ADCY8: variants seen among roughly 807,000 people sequenced by gnomAD.
ADCY8 encodes adenylate cyclase type 8.
ADCY8 carries 51 observed loss-of-function variants against 119.7 expected under a neutral mutation model. The observed-to-expected ratio is 0.43, with a 90% CI of 0.34 to 0.54. ADCY8 has a LOEUF of 0.54. Among genes scored for constraint, ADCY8 ranks in the 20% least tolerant of loss-of-function variants. The pLI is 0.03. For synonymous variants in ADCY8, 665 were observed against 651.0 expected, an observed-to-expected ratio of 1.02 and a Z score of -0.33; for missense variants, 1,383 against 1,598.8, an observed-to-expected ratio of 0.87 and a Z score of 2.30.
intron 9 of ADCY8, among the ~76,000 whole-genome samples, chr8:130,855,891 A>T (rs975405420): frequency 2.6e-5 from 4 of 151,666 alleles, no homozygotes; most frequent in African/African-American, 9.7e-5. Context: ...TCCAGATTTC[A>T]CTCCCACCTC....
intron 2 of ADCY8, among the ~76,000 whole-genome samples, chr8:130,967,244 T>C (rs982317666): frequency 1.2e-4 from 18 of 152,216 alleles, no homozygotes; most frequent in African/African-American, 4.1e-4. Context: ...CACTTCAGAC[T>C]GATTCAGCAA....
chr8:130,936,463 A>C (rs537214397), intron 5 of ADCY8, among the ~76,000 whole-genome samples: 1 of 152,104 alleles, frequency 6.6e-6, no homozygotes, highest in Non-Finnish European at 1.5e-5. Context: ...GCCAGCCTAC[A>C]GTCCATCTGT....
chr8:130,848,621 A>T (rs1015549394), intron 10 of ADCY8, among the ~76,000 whole-genome samples: 3 of 152,154 alleles, frequency 2.0e-5, no homozygotes, highest in African/African-American at 7.2e-5. Flanking sequence ...GGGTCCCTGC[A>T]CACTTGGGGA....
At chr8:130,998,099 G>C (rs769329647) in intron 1 of ADCY8, among the ~76,000 whole-genome samples, 13 of 152,130 alleles carry the variant, frequency 8.5e-5, no homozygotes, top group African/African-American at 2.9e-4. Flanking sequence ...AGCAGATAAT[G>C]TCCTGCTGTC....
intron 14 of ADCY8, among the ~76,000 whole-genome samples, chr8:130,803,135 A>C (rs1308057330): frequency 1.3e-5 from 2 of 152,242 alleles, no homozygotes; most frequent in African/African-American, 4.8e-5. Flanking sequence ...ACAAAGACAC[A>C]AACCCTGTTC....
chr8:131,014,642 A>G (rs150773237), intron 1 of ADCY8, among the ~76,000 whole-genome samples: 2 of 152,298 alleles, frequency 1.3e-5, no homozygotes, highest in African/African-American at 4.8e-5. Context: ...AGTAGTTCAA[A>G]GATCTGTTTT....
At chr8:131,019,826 TC>T in intron 1 of ADCY8, among the ~76,000 whole-genome samples, 1 of 127,142 alleles carries the variant, frequency 7.9e-6, no homozygotes, top group South Asian at 2.9e-4. Context: ...TCTCTCTCTC[TC>T]TCTCTCTCTC....
intron 14 of ADCY8, among the ~76,000 whole-genome samples, chr8:130,811,347 G>A (rs1449155562): frequency 2.0e-5 from 3 of 152,152 alleles, no homozygotes; most frequent in African/African-American, 7.2e-5. Context: ...AAACCCCAAT[G>A]CTTTTAGGGG....
chr8:130,786,110 C>T (rs1288430762), intron 15 of ADCY8, among the ~76,000 whole-genome samples: 1 of 152,178 alleles, frequency 6.6e-6, no homozygotes, highest in African/African-American at 2.4e-5. Context: ...ATATTCTTAT[C>T]TTCCTTCCCT....
In ADCY8 at chr8:130,861,806, CT is replaced by C. The variant is rs934250458; in HGVS notation, c.2210+6039del. On this transcript the variant is annotated intron_variant, in intron 9 of 17. Coordinates refer to ENST00000286355, the MANE Select transcript of ADCY8 (RefSeq NM_001115.3). ...CCACTAAAGATGATGTTATCTATAG[CT>C]TTTTTTTTTGGGAGATATTCTTTAT... Among the ~76,000 whole-genome samples the C allele has an allele frequency of 1.7e-3, 255 of 146,634 alleles. 1 individual carries two copies. The highest frequency in any genetic ancestry group is 4.7e-3 in the African/African-American group (188 of 40,134).
chr8:130,852,039 T>A lies in ADCY8; in HGVS notation c.2211-2236A>T, dbSNP rs190995379. On this transcript the variant is annotated intron_variant, in intron 9 of 17. Transcript: ENST00000286355. ...AGGACCCAAGATGAGCTGTGGGGGA[T>A]GCTAATGGGCTGGAAGAAGAGAAGA... 2.8e-4 allele frequency among the ~76,000 whole-genome samples: 43 copies of A among 152,254 alleles called. No homozygotes were observed. In the East Asian group the frequency reaches 7.1e-3, roughly 25 times the overall value.
rs73716633 is a variant in ADCY8, at chr8:130,821,686, A to G, written c.2676-266T>C. On this transcript the variant is annotated intron_variant, in intron 12 of 17. Coordinates refer to ENST00000286355, the MANE Select transcript of ADCY8 (RefSeq NM_001115.3). ...AGATGGTACACTCACATTAATAATA[A>G]TGTTTTCTATGTGCAGAACACATTT... 9.1e-3 allele frequency among the ~76,000 whole-genome samples: 1,384 copies of G among 152,278 alleles called. 16 individuals carry two copies. The highest frequency in any genetic ancestry group is 0.032 in the African/African-American group (1,331 of 41,538).
At chr8:130,972,921 T>C (rs996574908) in intron 2 of ADCY8, among the ~76,000 whole-genome samples, 1 of 152,106 alleles carries the variant, frequency 6.6e-6, no homozygotes, top group African/African-American at 2.4e-5. Context: ...GAACGATAAT[T>C]AGCCTCTCAT....
chr8:130,799,724 G>C (rs1013343853), intron 15 of ADCY8, among the ~76,000 whole-genome samples: 3 of 152,232 alleles, frequency 2.0e-5, no homozygotes, highest in African/African-American at 7.2e-5. Context: ...CTCAGTGTGA[G>C]ACAGTTGTAC....
intron 1 of ADCY8, among the ~76,000 whole-genome samples, chr8:131,036,893 A>C (rs1824173076): frequency 6.6e-6 from 1 of 152,222 alleles, no homozygotes. Flanking sequence ...TCAGAGAATC[A>C]AGCATGCTGT....
intron 14 of ADCY8, among the ~76,000 whole-genome samples, chr8:130,810,244 G>A (rs1027843629): frequency 1.3e-5 from 2 of 151,978 alleles, no homozygotes; most frequent in African/African-American, 4.8e-5. Context: ...TGCCTCTTAC[G>A]GTAACAGAGA....
chr8:131,037,144 G>T (rs1021305944), intron 1 of ADCY8, among the ~76,000 whole-genome samples: 3 of 152,122 alleles, frequency 2.0e-5, no homozygotes, highest in African/African-American at 7.2e-5. Flanking sequence ...AGGGGAGAGC[G>T]CTCTGGTTGT....
intron 14 of ADCY8, among the ~76,000 whole-genome samples, chr8:130,809,866 G>T (rs920675193): frequency 3.3e-5 from 5 of 152,256 alleles, no homozygotes; most frequent in African/African-American, 1.2e-4. Context: ...CCTGGCTGCT[G>T]TGGCCAGGGA....
intron 15 of ADCY8, among the ~76,000 whole-genome samples, chr8:130,795,806 T>G (rs999599567): frequency 1.3e-5 from 2 of 152,180 alleles, no homozygotes; most frequent in African/African-American, 4.8e-5. Context: ...TGTTTGTGTG[T>G]ATGTATAGCC....
Sources: gnomAD v4.1 joint callset for allele counts (sites outside exome capture counted in the v4.1 genomes callset) on GRCh38, gnomAD v4.1.1 for gene constraint, MANE v1.5 for transcripts, NCBI Gene and HGNC (gene_info 2026-07-23, HGNC 2026-07-21) for gene names.